Variants in NUBPL observed in about 807,000 individuals in gnomAD.
NUBPL encodes NUBP iron-sulfur cluster assembly factor, mitochondrial.
In NUBPL, 31 loss-of-function variants were observed where a neutral mutation model predicts 45.7. The observed-to-expected ratio is 0.68, with a 90% confidence interval of 0.51 to 0.92. NUBPL has a LOEUF of 0.92. Ranked by LOEUF, NUBPL falls within the 40% of genes least tolerant of loss-of-function variation. The pLI is 0.00. For missense variants in NUBPL, 401 were observed against 398.7 expected, an observed-to-expected ratio of 1.01 and a Z score of -0.05; for synonymous variants, 144 against 140.9, an observed-to-expected ratio of 1.02 and a Z score of -0.15.
At chr14:31,677,584 A>G (rs1431276146) in intron 6 of NUBPL, among the ~76,000 whole-genome samples, 1 of 152,202 alleles carries the variant, frequency 6.6e-6, no homozygotes, top group African/African-American at 2.4e-5. Flanking sequence ...ATGGTCTTGG[A>G]CAAGATGTGG....
intron 2 of NUBPL, among the ~76,000 whole-genome samples, chr14:31,563,175 A>G (rs1266021310): frequency 6.6e-6 from 1 of 152,176 alleles, no homozygotes; most frequent in African/African-American, 2.4e-5. Flanking sequence ...TTTTGGTTCT[A>G]GAACCTTTTG....
At chr14:31,725,743 T>C (rs2037908533) in intron 6 of NUBPL, among the ~76,000 whole-genome samples, 1 of 120,314 alleles carries the variant, frequency 8.3e-6, no homozygotes. Flanking sequence ...TGAGTCTCAC[T>C]CTGTTGCCCA....
intron 4 of NUBPL, among the ~76,000 whole-genome samples, chr14:31,639,494 G>T (rs1048732738): frequency 2.6e-5 from 4 of 152,208 alleles, no homozygotes; most frequent in East Asian, 1.9e-4. Context: ...TGCCCCTACT[G>T]GGGGGTGCCT....
chr14:31,763,846 A>G (rs4981906), intron 6 of NUBPL, among the ~76,000 whole-genome samples: 70,442 of 152,016 alleles, frequency 0.46, 17,650 homozygotes, highest in African/African-American at 0.67. Flanking sequence ...AAAGAATTAC[A>G]TTAAAATGTG....
chr14:31,562,010 G>T, intron 1 of NUBPL, 58 bp from the exon 2 acceptor site: 1 of 1,527,570 alleles, frequency 6.5e-7, no homozygotes, highest in African/African-American at 1.4e-5. Context: ...TGCTTTTACA[G>T]TGTGATGATG....
intron 3 of NUBPL, among the ~76,000 whole-genome samples, chr14:31,570,964 C>T (rs764449989): frequency 7.2e-5 from 11 of 152,222 alleles, no homozygotes; most frequent in Non-Finnish European, 1.5e-4. Flanking sequence ...AGAGTCATAG[C>T]TGGATGCTTT....
chr14:31,637,397 T>C (rs1157448620), intron 4 of NUBPL, among the ~76,000 whole-genome samples: 2 of 152,312 alleles, frequency 1.3e-5, no homozygotes, highest in African/African-American at 2.4e-5. Context: ...AGTTGAGTGG[T>C]TTTGAGTGAG....
At chr14:31,808,036 C>A (rs35650602) in intron 7 of NUBPL, among the ~76,000 whole-genome samples, 53,511 of 151,958 alleles carry the variant, frequency 0.35, 10,142 homozygotes, top group South Asian at 0.44. Flanking sequence ...CCTTGTACTA[C>A]AGTTTGAAGT....
chr14:31,580,173 T>C (rs1026346617), intron 3 of NUBPL, among the ~76,000 whole-genome samples: 4 of 152,252 alleles, frequency 2.6e-5, no homozygotes, highest in African/African-American at 9.6e-5. Context: ...ACTTTACATG[T>C]GCTGTGTGCT....
chr14:31,761,527 A>G (rs1759081837), intron 6 of NUBPL, among the ~76,000 whole-genome samples: 1 of 152,204 alleles, frequency 6.6e-6, no homozygotes, highest in Admixed American at 6.5e-5. Context: ...ATTGCTTAGT[A>G]AGCATTTTCC....
chr14:31,837,430 C>T (rs1230618655), intron 8 of NUBPL, among the ~76,000 whole-genome samples: 1 of 152,176 alleles, frequency 6.6e-6, no homozygotes, highest in East Asian at 1.9e-4. Flanking sequence ...ACCAAAATAG[C>T]TTCTACAGTC....
rs943062559 is a variant in NUBPL, at chr14:31,778,574, C to G, written c.514-9206C>G. Reference sequence around the variant, plus strand: ...ATAATTTGCCCTGTAAAATGAGTTCCTTAGTCACTGTGAAGCTCTTGAGAG... The same window carrying G: ...ATAATTTGCCCTGTAAAATGAGTTCGTTAGTCACTGTGAAGCTCTTGAGAG... On this transcript the variant is annotated intron_variant, in intron 6 of 10. Coordinates refer to ENST00000281081, the MANE Select transcript of NUBPL (RefSeq NM_025152.3). Among the ~76,000 whole-genome samples, 9 of 152,190 alleles carry G rather than the reference C, an allele frequency of 5.9e-5. No individual in the cohort carries two copies. In the South Asian group the frequency reaches 6.2e-4, roughly 11 times the overall value.
chr14:31,583,668 A>C (rs549182742), intron 3 of NUBPL, among the ~76,000 whole-genome samples: 18 of 152,320 alleles, frequency 1.2e-4, no homozygotes, highest in African/African-American at 4.3e-4. Flanking sequence ...GATTTTCTTA[A>C]AAATTACTTT....
At position 31,645,166 on chromosome 14, in the gene NUBPL, C is replaced by T. The variant is rs368475700; in HGVS notation, c.383-28189C>T. Reference sequence around the variant, plus strand: ...CTGCAAGCTCCGCCTCCCGGGTTCACGCCATTCTCCTGCCTCAGCCTCCCG... The same window carrying T: ...CTGCAAGCTCCGCCTCCCGGGTTCATGCCATTCTCCTGCCTCAGCCTCCCG... On this transcript the variant is annotated intron_variant, in intron 4 of 10. Transcript: ENST00000281081. 4.7e-4 allele frequency among the ~76,000 whole-genome samples: 72 copies of T among 151,640 alleles called. 1 individual carries two copies. In the South Asian group the frequency reaches 0.012, roughly 26 times the overall value.
chr14:31,717,287 A>C (rs1398122719), intron 6 of NUBPL, among the ~76,000 whole-genome samples: 1 of 152,006 alleles, frequency 6.6e-6, no homozygotes, highest in Non-Finnish European at 1.5e-5. Flanking sequence ...TTCTTAACTA[A>C]CTCCATCTTA....
intron 6 of NUBPL, among the ~76,000 whole-genome samples, chr14:31,758,902 C>G (rs1043305310): frequency 6.6e-6 from 1 of 152,000 alleles, no homozygotes; most frequent in Non-Finnish European, 1.5e-5. Context: ...TTCCCTTCTC[C>G]TGAGTGTTAA....
intron 6 of NUBPL, among the ~76,000 whole-genome samples, chr14:31,776,797 A>G (rs1352583558): frequency 6.6e-6 from 1 of 152,048 alleles, no homozygotes; most frequent in Non-Finnish European, 1.5e-5. Flanking sequence ...GGTGACAACC[A>G]CTCTAGCTAG....
intron 4 of NUBPL, among the ~76,000 whole-genome samples, chr14:31,603,621 A>G (rs1310917132): frequency 6.6e-6 from 1 of 152,190 alleles, no homozygotes; most frequent in Non-Finnish European, 1.5e-5. Flanking sequence ...GTTGGAGCCA[A>G]TTATAATGTT....
intron 6 of NUBPL, among the ~76,000 whole-genome samples, chr14:31,735,629 G>A (rs566610686): frequency 6.6e-5 from 10 of 151,866 alleles, no homozygotes; most frequent in African/African-American, 1.5e-4. Context: ...TGAGGCGGGC[G>A]AATCACAAGG....
Sources: gnomAD v4.1 joint callset for allele counts (sites outside exome capture counted in the v4.1 genomes callset) on GRCh38, gnomAD v4.1.1 for gene constraint, MANE v1.5 for transcripts, NCBI Gene and HGNC (gene_info 2026-07-23, HGNC 2026-07-21) for gene names.